The following LTBP1 variants were observed in gnomAD, a reference collection of about 807,000 sequenced individuals.
LTBP1 encodes the protein latent transforming growth factor beta binding protein 1, also known as latent-transforming growth factor beta-binding protein 1.
In LTBP1, 129 loss-of-function variants were observed where a neutral mutation model predicts 207.6. The ratio of observed to expected loss-of-function variants is 0.62; its 90% CI spans 0.54 to 0.72. The LOEUF (loss-of-function observed/expected upper bound fraction) is 0.72. Ranked by LOEUF, LTBP1 falls within the 30% of genes least tolerant of loss-of-function variation. The pLI is 0.00. For synonymous variants in LTBP1, 963 were observed against 833.7 expected, an observed-to-expected ratio of 1.16 and a Z score of -2.67; for missense variants, 2,281 against 2,217.2, an observed-to-expected ratio of 1.03 and a Z score of -0.58.
At chr2:33,072,186 A>T (rs1056090027) in intron 3 of LTBP1, among the ~76,000 whole-genome samples, 1 of 152,208 alleles carries the variant, frequency 6.6e-6, no homozygotes, top group African/African-American at 2.4e-5. Context: ...TTACCAGTTT[A>T]TTATAAAGGA....
At chr2:32,982,366 G>T (rs915088494) in intron 2 of LTBP1, among the ~76,000 whole-genome samples, 3 of 152,182 alleles carry the variant, frequency 2.0e-5, no homozygotes, top group African/African-American at 7.2e-5. Context: ...GAATATAAAA[G>T]TTTGGAAAAT....
At position 33,205,475 on chromosome 2, in the gene LTBP1, T is replaced by G. The variant is rs571409359; in HGVS notation, c.1702-12077T>G. 5.8e-4 allele frequency among the ~76,000 whole-genome samples: 88 copies of G among 152,334 alleles called. 1 individual carries two copies. Among genetic ancestry groups the G allele is most frequent in the African/African-American group, 2.0e-3 (84 of 41,578 alleles). On this transcript the variant is annotated intron_variant, in intron 7 of 33. Coordinates refer to ENST00000404816, the MANE Select transcript of LTBP1 (RefSeq NM_206943.4). ...CATTAGCACAACAAAGTTTACGTTTTGTGTGCATTAGACATGTTAGAGGTG... is the reference window on the plus strand; with the variant it reads ...CATTAGCACAACAAAGTTTACGTTTGGTGTGCATTAGACATGTTAGAGGTG...
intron 2 of LTBP1, among the ~76,000 whole-genome samples, chr2:32,990,880 T>G (rs934994059): frequency 5.3e-5 from 8 of 152,212 alleles, no homozygotes; most frequent in Non-Finnish European, 1.0e-4. Context: ...CCTTTGACTG[T>G]GTAGGCTGTT....
At chr2:33,034,464 G>T (rs986257725) in intron 3 of LTBP1, among the ~76,000 whole-genome samples, 1 of 151,686 alleles carries the variant, frequency 6.6e-6, no homozygotes, top group African/African-American at 2.4e-5. Flanking sequence ...TAGCTGAAGG[G>T]AGTTAAGCTA....
At chr2:33,162,681 C>A (rs1398673656) in intron 5 of LTBP1, among the ~76,000 whole-genome samples, 1 of 152,178 alleles carries the variant, frequency 6.6e-6, no homozygotes, top group Non-Finnish European at 1.5e-5. Flanking sequence ...TATGTATACC[C>A]TTTCTTATCC....
intron 4 of LTBP1, among the ~76,000 whole-genome samples, chr2:33,125,633 C>T (rs1186647192): frequency 6.6e-6 from 1 of 151,910 alleles, no homozygotes; most frequent in African/African-American, 2.4e-5. Flanking sequence ...GACTTCGAGA[C>T]CAGCCTGGCC....
rs577120804 is a variant in LTBP1 at position 33,175,705 on chromosome 2, G to A, written c.1202-11151G>A. Among the ~76,000 whole-genome samples, 15 of 152,188 alleles carry A rather than the reference G, an allele frequency of 9.9e-5. No individual in the cohort carries two copies. In the East Asian group the frequency reaches 1.2e-3, roughly 12 times the overall value. The stretch of plus-strand genomic sequence containing the variant: ...TGCTGCTATGAAGACACATGCACAC[G>A]TATGTTTATTGCGGCACTATTCACA... On this transcript the variant is annotated intron_variant, in intron 5 of 33. Coordinates refer to ENST00000404816, the MANE Select transcript of LTBP1 (RefSeq NM_206943.4).
chr2:33,259,732 G>C, intron 13 of LTBP1, 122 bp downstream of exon 13: 1 of 849,468 alleles, frequency 1.2e-6, no homozygotes, highest in South Asian at 2.3e-5. Flanking sequence ...CATTTGGTTT[G>C]AGTTAATATA....
chr2:33,192,779 G>T (rs1393002112), intron 7 of LTBP1, among the ~76,000 whole-genome samples: 1 of 152,172 alleles, frequency 6.6e-6, no homozygotes, highest in African/African-American at 2.4e-5. Context: ...TTTAGAGGCT[G>T]TGAAGTTCAA....
At chr2:33,003,143 T>C (rs1686287448) in intron 2 of LTBP1, among the ~76,000 whole-genome samples, 1 of 152,164 alleles carries the variant, frequency 6.6e-6, no homozygotes, top group African/African-American at 2.4e-5. Flanking sequence ...CATAGAAACA[T>C]CGAATGTGCT....
At chr2:33,160,003 G>A (rs112020381) in intron 5 of LTBP1, among the ~76,000 whole-genome samples, 10 of 152,012 alleles carry the variant, frequency 6.6e-5, no homozygotes, top group East Asian at 3.9e-4. Context: ...TACCTCAGCC[G>A]CTCGAGCTGG....
At chr2:33,077,354 G>C (rs1198722005) in intron 3 of LTBP1, among the ~76,000 whole-genome samples, 2 of 152,198 alleles carry the variant, frequency 1.3e-5, no homozygotes, top group Non-Finnish European at 2.9e-5. Context: ...ATAAATACCA[G>C]AGACTGGGTA....
At chr2:33,031,332 G>A (rs938044869) in intron 3 of LTBP1, among the ~76,000 whole-genome samples, 3 of 152,112 alleles carry the variant, frequency 2.0e-5, no homozygotes, top group Non-Finnish European at 2.9e-5. Flanking sequence ...GTTATCTCTG[G>A]TTCACCATAG....
chr2:33,254,866 T>TG (rs2092800177), intron 11 of LTBP1, among the ~76,000 whole-genome samples: 2 of 115,774 alleles, frequency 1.7e-5, no homozygotes, highest in African/African-American at 6.6e-5. Context: ...TTTTTTTTTT[T>TG]TTTTTTTTTT....
Position 33,236,942 on chromosome 2 carries a change from C to T in LTBP1, c.1877-6720C>T, listed in dbSNP as rs2092080058. On this transcript the variant is annotated intron_variant, in intron 9 of 33. Coordinates refer to ENST00000404816, the MANE Select transcript of LTBP1 (RefSeq NM_206943.4). Reference sequence around the variant, plus strand: ...AGAAGAATTGGAAGGAAAGGAGTTGCTGCCACAGTGGTTTGACTTTTTTCA... The same window carrying T: ...AGAAGAATTGGAAGGAAAGGAGTTGTTGCCACAGTGGTTTGACTTTTTTCA... Among the ~76,000 whole-genome samples the T allele has an allele frequency of 2.0e-5, 3 of 152,180 alleles. No individual in the cohort carries two copies. The South Asian group carries it at 6.2e-4, about 32-fold the overall frequency.
intron 31 of LTBP1, among the ~76,000 whole-genome samples, chr2:33,373,413 G>A (rs1231138389): frequency 6.6e-6 from 1 of 152,180 alleles, no homozygotes; most frequent in Non-Finnish European, 1.5e-5. Flanking sequence ...AGAGCAAATG[G>A]ATTTTGTTTA....
At position 33,355,258 on chromosome 2, in the gene LTBP1, T is replaced by C. The variant is rs974324036; in HGVS notation, c.4001-5339T>C. Among the ~76,000 whole-genome samples, 19 of 152,110 alleles carry C rather than the reference T, an allele frequency of 1.2e-4. No homozygotes were observed. The South Asian group carries it at 3.7e-3, about 30-fold the overall frequency. On this transcript the variant is annotated intron_variant, in intron 26 of 33. Transcript: ENST00000404816. ...TGACTCATCTCAGTGTACTATTCTC[T>C]CGTTTTTCTTTCTCTGCAGTACAGC... is the stretch of plus-strand genomic sequence containing the variant.
intron 3 of LTBP1, among the ~76,000 whole-genome samples, chr2:33,058,905 G>C (rs556948584): frequency 7.7e-4 from 118 of 152,298 alleles, no homozygotes; most frequent in African/African-American, 2.7e-3. Flanking sequence ...GCAGTGCTGC[G>C]GGAGAGGTTG....
chr2:33,018,315 C>T (rs988472286), intron 2 of LTBP1, among the ~76,000 whole-genome samples: 15 of 151,954 alleles, frequency 9.9e-5, no homozygotes, highest in Admixed American at 3.9e-4. Context: ...TCCTTGGCCT[C>T]CCCCTAGGTG....
Sources: allele counts gnomAD v4.1 joint callset (sites outside exome capture counted in the v4.1 genomes callset), GRCh38; gene constraint gnomAD v4.1.1; transcripts MANE v1.5; gene names NCBI Gene and HGNC (gene_info 2026-07-23, HGNC 2026-07-21).